CARMIL1: variants seen among roughly 807,000 people sequenced by gnomAD.
CARMIL1 encodes the protein F-actin-uncapping protein LRRC16A.
Under a neutral mutation model 177.1 loss-of-function variants are expected in CARMIL1, and 90 were observed. The observed-to-expected ratio is 0.51, with a 90% CI of 0.43 to 0.61. CARMIL1 has a LOEUF of 0.61. Ranked by LOEUF, CARMIL1 falls within the 20% of genes least tolerant of loss-of-function variation. CARMIL1 has a pLI of 0.00. For missense variants in CARMIL1, 1,380 were observed against 1,667.0 expected, an observed-to-expected ratio of 0.83 and a Z score of 3.00; for synonymous variants, 577 against 606.2, an observed-to-expected ratio of 0.95 and a Z score of 0.71.
intron 2 of CARMIL1, among the ~76,000 whole-genome samples, chr6:25,410,170 G>A (rs964599608): frequency 1.5e-5 from 2 of 134,326 alleles, no homozygotes; most frequent in African/African-American, 5.6e-5. Context: ...AAGAAAATAT[G>A]TATTTTTTTC....
At chr6:25,600,178 A>T in intron 32 of CARMIL1, 136 bp from the exon 33 acceptor site, 1 of 756,004 alleles carries the variant, frequency 1.3e-6, no homozygotes. Context: ...AAGGGCGGTA[A>T]CTCAAATCTG....
At chr6:25,294,455 A>G (rs971465421) in intron 2 of CARMIL1, among the ~76,000 whole-genome samples, 2 of 152,160 alleles carry the variant, frequency 1.3e-5, no homozygotes, top group Non-Finnish European at 2.9e-5. Flanking sequence ...CTAACCTAGG[A>G]GAAGTTTCTT....
intron 3 of CARMIL1, among the ~76,000 whole-genome samples, chr6:25,425,496 C>T (rs944189213): frequency 1.3e-5 from 2 of 152,068 alleles, no homozygotes; most frequent in Non-Finnish European, 2.9e-5. Context: ...GGGTTTGGTT[C>T]TGGATGTGTT....
At chr6:25,526,564 T>C (rs540240165) in intron 23 of CARMIL1, among the ~76,000 whole-genome samples, 2 of 151,964 alleles carry the variant, frequency 1.3e-5, no homozygotes, top group East Asian at 3.9e-4. Context: ...CTTTTTTTTT[T>C]TCTTCTGAGA....
Position 25,604,863 on chromosome 6 carries a change from GGC to G in CARMIL1, c.3606_3607del (p.Val1203ArgfsTer11), listed in dbSNP as rs1562333363. ...SQDSSSPALSGVERSDGGGAV... is the reference protein window; with the variant it reads ...SQDSSSPALSXVERSDGGGAV... ...GGATTCTTCCAGCCCAGCTTTGAGC[GGC>G]GTAGAACGGTCGGATGGAGGTGGGG... On this transcript the variant is annotated frameshift_variant, in exon 34 of 37. Coordinates refer to ENST00000329474, the MANE Select transcript of CARMIL1 (RefSeq NM_017640.6). LOFTEE classifies it high-confidence loss of function. 1 of 1,595,994 alleles carries G rather than the reference GGC, an allele frequency of 6.3e-7. No homozygotes were observed. Among genetic ancestry groups the G allele is most frequent in the African/African-American group, 1.3e-5 (1 of 74,576 alleles).
intron 17 of CARMIL1, among the ~76,000 whole-genome samples, chr6:25,508,747 T>C (rs563468667): frequency 6.6e-6 from 1 of 150,404 alleles, no homozygotes; most frequent in East Asian, 1.9e-4. Flanking sequence ...TATAGTAGGT[T>C]TCCAAAAAAT....
intron 2 of CARMIL1, among the ~76,000 whole-genome samples, chr6:25,342,587 C>T (rs1787054172): frequency 6.6e-6 from 1 of 150,562 alleles, no homozygotes; most frequent in Non-Finnish European, 1.5e-5. Flanking sequence ...ATGTTCTTGC[C>T]TCTTTCTAGT....
chr6:25,534,027 C>T (rs1404438860), intron 24 of CARMIL1, among the ~76,000 whole-genome samples: 1 of 152,114 alleles, frequency 6.6e-6, no homozygotes, highest in Non-Finnish European at 1.5e-5. Context: ...ACCCACTAAA[C>T]CCTGTCCAGT....
At chr6:25,296,919 A>ATCTC (rs1782415716) in intron 2 of CARMIL1, among the ~76,000 whole-genome samples, 1 of 35,866 alleles carries the variant, frequency 2.8e-5, no homozygotes, top group African/African-American at 1.6e-4. Context: ...CTATCTATCT[A>ATCTC]TCTATCTATC....
rs1262266225 is a variant in CARMIL1 at position 25,326,060 on chromosome 6, G to A, written c.138+41151G>A. 2.6e-5 allele frequency among the ~76,000 whole-genome samples: 4 copies of A among 152,122 alleles called. No homozygotes were observed. The highest frequency in any genetic ancestry group is 5.9e-5 in the Non-Finnish European group (4 of 68,030). On this transcript the variant is annotated intron_variant, in intron 2 of 36. Transcript: ENST00000329474. This position sits in a 1 kb window ranked among gnomAD's most constrained non-coding sequence, Gnocchi z 4.2. Reference sequence around the variant, plus strand: ...AATTTTTTGTATTTTAGTAGAGACGGAGTTTCACCGTGTTGGCCAGGATGG... The same window carrying A: ...AATTTTTTGTATTTTAGTAGAGACGAAGTTTCACCGTGTTGGCCAGGATGG...
chr6:25,279,697 T>C lies in CARMIL1; in HGVS notation c.-99T>C. ...TTCTTGCCCACTTCCATTTGCAAGC[T>C]GCATCTGCCTCTCTAAAAAAATTGA... On this transcript the variant is annotated 5_prime_UTR_variant, in exon 1 of 37. Transcript: ENST00000329474. 1 of 1,109,672 alleles carries C rather than the reference T, an allele frequency of 9.0e-7. No homozygotes were observed. The highest frequency in any genetic ancestry group is 1.2e-5 in the South Asian group (1 of 80,796). 68.7% of individuals were successfully genotyped at this position (1,109,672 alleles called of 1,614,324 possible). A position where few individuals can be genotyped will look rare whatever the true frequency, so the allele number is the denominator to read the frequency against.
At position 25,595,791 on chromosome 6, in the gene CARMIL1, T is replaced by C. The variant is rs185311747; in HGVS notation, c.3119+1264T>C. 1.7e-3 allele frequency among the ~76,000 whole-genome samples: 258 copies of C among 152,310 alleles called. 1 individual carries two copies. Among genetic ancestry groups the C allele is most frequent in the Non-Finnish European group, 2.1e-3 (142 of 68,020 alleles). The stretch of plus-strand genomic sequence containing the variant: ...TTCAAGAAAAACCAACACAAACATA[T>C]AGCAAAATGGGAAATCGCTGTTAAT... On this transcript the variant is annotated intron_variant, in intron 32 of 36. Coordinates refer to ENST00000329474, the MANE Select transcript of CARMIL1 (RefSeq NM_017640.6).
At chr6:25,433,784 A>G (rs1797005123) in intron 4 of CARMIL1, among the ~76,000 whole-genome samples, 1 of 152,248 alleles carries the variant, frequency 6.6e-6, no homozygotes, top group Non-Finnish European at 1.5e-5. Context: ...ATGAAAAAGT[A>G]ACATCTGAAA....
At chr6:25,291,821 AT>A (rs1391127125) in intron 2 of CARMIL1, among the ~76,000 whole-genome samples, 6 of 152,194 alleles carry the variant, frequency 3.9e-5, no homozygotes, top group Admixed American at 3.3e-4. Context: ...GTTGCATGGA[AT>A]AGAGAGACTC....
chr6:25,288,652 T>C (rs1172566975), intron 2 of CARMIL1, among the ~76,000 whole-genome samples: 1 of 152,174 alleles, frequency 6.6e-6, no homozygotes, highest in African/African-American at 2.4e-5. Context: ...GGTCCTGCAT[T>C]CTGTTTTCTC....
chr6:25,571,713 C>T (rs947608178), intron 29 of CARMIL1, among the ~76,000 whole-genome samples: 2 of 152,358 alleles, frequency 1.3e-5, no homozygotes, highest in African/African-American at 4.8e-5. Flanking sequence ...CACTGTGATT[C>T]AGTCAGTAGT....
At chr6:25,427,453 C>T (rs1284058113) in intron 4 of CARMIL1, among the ~76,000 whole-genome samples, 1 of 152,082 alleles carries the variant, frequency 6.6e-6, no homozygotes, top group Non-Finnish European at 1.5e-5. Context: ...TTTATCCATT[C>T]GCCTGATGTG....
At chr6:25,390,293 CATAT>C (rs397887367) in intron 2 of CARMIL1, among the ~76,000 whole-genome samples, 1,615 of 84,732 alleles carry the variant, frequency 0.019, 71 homozygotes, top group Middle Eastern at 0.056. Flanking sequence ...TATATATTTA[CATAT>C]ATATATATAT....
chr6:25,549,218 C>T (rs1809822579), intron 26 of CARMIL1, among the ~76,000 whole-genome samples: 2 of 152,186 alleles, frequency 1.3e-5, no homozygotes, highest in African/African-American at 4.8e-5. Flanking sequence ...ACATTGGAAG[C>T]CAGGCTTCCT....
Sources: gnomAD v4.1 joint callset for allele counts (sites outside exome capture counted in the v4.1 genomes callset) on GRCh38, gnomAD v4.1.1 for gene constraint, Gnocchi (gnomAD v3.1) non-coding constraint, MANE v1.5 for transcripts, NCBI Gene and HGNC (gene_info 2026-07-23, HGNC 2026-07-21) for gene names.